ZBTB1: variants seen among roughly 807,000 people sequenced by gnomAD.
ZBTB1 encodes the protein zinc finger and BTB domain containing 1.
Under a neutral mutation model 51.6 loss-of-function variants are expected in ZBTB1, and 13 were observed. That is an observed-to-expected ratio of 0.25 (90% CI 0.16 to 0.40). The LOEUF is 0.40. ZBTB1 is among the 10% of genes least tolerant of loss of function. The pLI is 1.00. For missense variants in ZBTB1, 567 were observed against 856.5 expected (o/e 0.66, Z 4.22); for synonymous variants, 240 against 282.2 (o/e 0.85, Z 1.50).
At chr14:64,529,324 A>C (rs2079926374), downstream of ZBTB1, among the ~76,000 whole-genome samples, 1 of 152,080 alleles carries the variant, frequency 6.6e-6, no homozygotes, top group Non-Finnish European at 1.5e-5. Context: ...TTTATGTTTT[A>C]ATCTCTCCCG....
intron 2 of ZBTB1, among the ~76,000 whole-genome samples, chr14:64,530,658 T>G (rs928058431): frequency 3.3e-5 from 5 of 152,188 alleles, no homozygotes; most frequent in African/African-American, 4.8e-5. Flanking sequence ...TACATTTATA[T>G]GCACACAATT....
chr14:64,505,088 AC>A (rs1232761556), intron 1 of ZBTB1, 142 bp downstream of exon 1: 10 of 358,002 alleles, frequency 2.8e-5, no homozygotes, highest in Non-Finnish European at 5.0e-5. Flanking sequence ...CGCTGCGAGG[AC>A]CCGGTGACGG....
chr14:64,526,820 T>C (rs1566638003), downstream of ZBTB1, among the ~76,000 whole-genome samples: 1 of 152,028 alleles, frequency 6.6e-6, no homozygotes, highest in African/African-American at 2.4e-5. Context: ...GGCAAGAGGA[T>C]TGCTTGAGTC....
chr14:64,518,904 G>GTATATATATATA (rs71123855), intron 1 of ZBTB1, among the ~76,000 whole-genome samples: 1,113 of 95,008 alleles, frequency 0.012, 32 homozygotes, highest in East Asian at 0.013. Context: ...TTGCAGAGAG[G>GTATATATATATA]TATATATATA....
rs1222858551 is a variant in ZBTB1, at chr14:64,523,267, A to G, written c.1763A>G (p.Tyr588Cys). 1 of 1,614,216 alleles carries G rather than the reference A, an allele frequency of 6.2e-7. No individual in the cohort carries two copies. The highest frequency in any genetic ancestry group is 8.5e-7 in the Non-Finnish European group (1 of 1,180,010). ...TGTAATCTGTGTGGAAAAGGATTTT[A>G]TCAGCGGTGTCACTTAAGAGAACAC... ...HFCNLCGKGF[Y>C]QRCHLREHYT... is the part of the protein sequence containing the mutation. Residue 588 changes from tyrosine to cysteine, a missense_variant, in exon 2 of 2, where the codon TAT becomes TGT. Transcript: ENST00000683701. This position sits in a 1 kb window ranked among gnomAD's most constrained non-coding sequence, Gnocchi z 4.5.
chr14:64,527,385 T>A (rs1596705121), downstream of ZBTB1, among the ~76,000 whole-genome samples: 1 of 149,314 alleles, frequency 6.7e-6, no homozygotes, highest in Non-Finnish European at 1.5e-5. Context: ...CTGAGGTGGG[T>A]GGATTGCGAG....
At chr14:64,532,571 T>C (rs1465826279) in exon 3 of ZBTB1, 11 of 152,140 alleles carry the variant, frequency 7.2e-5, no homozygotes, top group Admixed American at 4.6e-4. Context: ...ACCTGTTAAC[T>C]TGAAGGAGAA....
rs367930608 is a variant in ZBTB1, at chr14:64,513,358, ATAT to A, written c.-18-8121_-18-8119del. On this transcript the variant is annotated intron_variant, in intron 1 of 1. Coordinates refer to ENST00000683701, the MANE Select transcript of ZBTB1 (RefSeq NM_001123329.2). Reference sequence around the variant, plus strand: ...GAGACATAACAAATGTTAGCTATTCATATTATTATTGTATTACAGTTGTCATTT... The same window carrying A: ...GAGACATAACAAATGTTAGCTATTCATATTATTGTATTACAGTTGTCATTT... Among the ~76,000 whole-genome samples the A allele has an allele frequency of 7.8e-3, 1,183 of 152,260 alleles. 16 individuals carry two copies. Among genetic ancestry groups the A allele is most frequent in the African/African-American group, 0.027 (1,118 of 41,544 alleles).
upstream of ZBTB1, chr14:64,503,735 G>A: frequency 2.1e-6 from 1 of 479,782 alleles, no homozygotes; most frequent in Non-Finnish European, 2.7e-6. Flanking sequence ...ACTGCAAGCA[G>A]TGGCGCCGGC....
chr14:64,519,618 A>C (rs886801067), intron 1 of ZBTB1, among the ~76,000 whole-genome samples: 25 of 151,236 alleles, frequency 1.7e-4, no homozygotes, highest in Non-Finnish European at 2.9e-4. Context: ...TTAAAAAAAA[A>C]AAAACAAAAA....
intron 1 of ZBTB1, among the ~76,000 whole-genome samples, chr14:64,506,388 C>T (rs1213742458): frequency 6.6e-6 from 1 of 152,126 alleles, no homozygotes; most frequent in Non-Finnish European, 1.5e-5. Context: ...CAAAAATTAG[C>T]CTGGCGTGGT....
chr14:64,506,428 G>C (rs2079657636), intron 1 of ZBTB1, among the ~76,000 whole-genome samples: 1 of 152,160 alleles, frequency 6.6e-6, no homozygotes, highest in Non-Finnish European at 1.5e-5. Context: ...AGCTACTCAG[G>C]AGGCTGAGGC....
intron 1 of ZBTB1, chr14:64,518,638 C>A (rs1477374092): frequency 2.0e-5 from 3 of 151,986 alleles, no homozygotes; most frequent in Non-Finnish European, 2.9e-5. Context: ...CTCTAAACAG[C>A]TTGTTACATG....
rs745577215 is a variant in ZBTB1, at chr14:64,522,325, C to G, written c.821C>G (p.Ser274Cys). The G allele has an allele frequency of 2.5e-6, 4 of 1,614,082 alleles. No individual in the cohort carries two copies. Among genetic ancestry groups the G allele is most frequent in the Non-Finnish European group, 3.4e-6 (4 of 1,180,022 alleles). ...IKAEFGEKDSSKTFSAQTDKY... is the reference protein window; with the variant it reads ...IKAEFGEKDSCKTFSAQTDKY... ...GCTGAATTTGGTGAAAAAGATTCTT[C>G]CAAAACATTTTCTGCACAGACGGAC... Residue 274 changes from serine (S) to cysteine (C), a missense_variant, in exon 2 of 2, where the codon TCC becomes TGC. This residue lies in a region of ZBTB1 where 329 missense variants were observed against 406.3 expected (regional missense o/e 0.81). Coordinates refer to ENST00000683701, the MANE Select transcript of ZBTB1 (RefSeq NM_001123329.2).
downstream of ZBTB1, among the ~76,000 whole-genome samples, chr14:64,525,487 G>A (rs1449316090): frequency 6.6e-6 from 1 of 152,170 alleles, no homozygotes; most frequent in African/African-American, 2.4e-5. Flanking sequence ...CCATCAGAGA[G>A]TGGTATAAAG....
intron 1 of ZBTB1, among the ~76,000 whole-genome samples, chr14:64,518,780 T>C (rs922742292): frequency 4.6e-5 from 7 of 151,540 alleles, no homozygotes; most frequent in African/African-American, 1.7e-4. Flanking sequence ...TATGATAGGA[T>C]TTCTAGTGCT....
At chr14:64,505,129 G>T in intron 1 of ZBTB1, 183 bp downstream of exon 1, 3 of 343,960 alleles carry the variant, frequency 8.7e-6, no homozygotes, top group Non-Finnish European at 1.0e-5. Context: ...CTTGTTGCCG[G>T]CGCGTCAGGT....
chr14:64,525,187 A>T (rs370828390), downstream of ZBTB1, among the ~76,000 whole-genome samples: 1 of 152,226 alleles, frequency 6.6e-6, no homozygotes, highest in South Asian at 2.1e-4. Context: ...AGTTGAAAGC[A>T]TTAGAGCACC....
chr14:64,516,552 T>C (rs910465219), intron 1 of ZBTB1: 1 of 152,272 alleles, frequency 6.6e-6, no homozygotes, highest in Non-Finnish European at 1.5e-5. Flanking sequence ...GCAGTGGGAT[T>C]CACACTGTGA....
Sources: allele counts gnomAD v4.1 joint callset (sites outside exome capture counted in the v4.1 genomes callset), GRCh38; gene constraint gnomAD v4.1.1; regional missense constraint gnomAD v4.1.1; non-coding constraint Gnocchi (gnomAD v3.1); transcripts MANE v1.5; gene names NCBI Gene and HGNC (gene_info 2026-07-23, HGNC 2026-07-21).